The following CCDC60 variants were observed in gnomAD, a reference collection of about 807,000 sequenced individuals.
CCDC60 encodes coiled-coil domain containing 60, also known as coiled-coil domain-containing protein 60.
A neutral mutation model predicts 63.5 loss-of-function variants in CCDC60; 54 were observed. That is an observed-to-expected ratio of 0.85 (90% CI 0.68 to 1.07). CCDC60 has a LOEUF of 1.07. Among genes scored for constraint, CCDC60 ranks in the 50% least tolerant of loss-of-function variants. CCDC60 has a pLI of 0.00. For missense variants in CCDC60, 651 were observed against 684.3 expected, an observed-to-expected ratio of 0.95 and a Z score of 0.54; for synonymous variants, 206 against 238.8, an observed-to-expected ratio of 0.86 and a Z score of 1.27.
chr12:119,497,920 A>G (rs1262216013), intron 5 of CCDC60, among the ~76,000 whole-genome samples: 1 of 152,158 alleles, frequency 6.6e-6, no homozygotes, highest in Non-Finnish European at 1.5e-5. Flanking sequence ...AACCAACTTA[A>G]ATGAGCTTCA....
At chr12:119,337,832 G>GTGTGTGTA (rs757836977) in intron 1 of CCDC60, among the ~76,000 whole-genome samples, 7,755 of 121,212 alleles carry the variant, frequency 0.064, 261 homozygotes, top group South Asian at 0.097. Context: ...ATTTGTGTGT[G>GTGTGTGTA]TGTGTGTGTG....
chr12:119,389,019 C>T (rs550724454), intron 1 of CCDC60, among the ~76,000 whole-genome samples: 4 of 152,212 alleles, frequency 2.6e-5, no homozygotes, highest in Non-Finnish European at 4.4e-5. Context: ...TCTTACTTCA[C>T]TCATTATAAA....
chr12:119,419,695 C>G (rs1956773579), intron 1 of CCDC60, among the ~76,000 whole-genome samples: 1 of 151,948 alleles, frequency 6.6e-6, no homozygotes, highest in African/African-American at 2.4e-5. Flanking sequence ...GATCATTGTT[C>G]CTTCTCCTCT....
chr12:119,422,053 G>C (rs1956823098), intron 1 of CCDC60, among the ~76,000 whole-genome samples: 1 of 152,104 alleles, frequency 6.6e-6, no homozygotes, highest in African/African-American at 2.4e-5. Flanking sequence ...TGACGATCTT[G>C]CTCTCAAAAA....
chr12:119,339,153 G>C (rs943307805), intron 1 of CCDC60, among the ~76,000 whole-genome samples: 1 of 152,148 alleles, frequency 6.6e-6, no homozygotes, highest in Non-Finnish European at 1.5e-5. Flanking sequence ...TAAGGAAGCA[G>C]ACGAAGTCTA....
intron 1 of CCDC60, among the ~76,000 whole-genome samples, chr12:119,399,152 GC>G (rs1251172015): frequency 6.6e-6 from 1 of 152,142 alleles, no homozygotes; most frequent in Non-Finnish European, 1.5e-5. Flanking sequence ...AATTCAAGAG[GC>G]CCCAGTTTAT....
chr12:119,386,049 G>T (rs1208035477), intron 1 of CCDC60, among the ~76,000 whole-genome samples: 1 of 152,200 alleles, frequency 6.6e-6, no homozygotes, highest in East Asian at 1.9e-4. Flanking sequence ...AGAATTTCCA[G>T]CACAGAACAA....
At chr12:119,428,885 ACTT>A in intron 2 of CCDC60, 123 bp downstream of exon 2, 3 of 630,012 alleles carry the variant, frequency 4.8e-6, no homozygotes, top group Non-Finnish European at 5.6e-6. Flanking sequence ...TAAGCAGAAG[ACTT>A]ACAGGAGGGT....
intron 7 of CCDC60, among the ~76,000 whole-genome samples, chr12:119,511,406 AG>A (rs1321668969): frequency 1.3e-5 from 2 of 152,232 alleles, no homozygotes; most frequent in Non-Finnish European, 2.9e-5. Context: ...AATCAATGGC[AG>A]GGAGATTCCC....
intron 5 of CCDC60, among the ~76,000 whole-genome samples, chr12:119,493,453 T>C (rs2136390775): frequency 6.6e-6 from 1 of 152,150 alleles, no homozygotes; most frequent in African/African-American, 2.4e-5. Flanking sequence ...TTTGGATGGA[T>C]TGGTGGATGT....
intron 1 of CCDC60, among the ~76,000 whole-genome samples, chr12:119,346,774 C>CTCTCTCTTTCTT (rs1555230507): frequency 8.0e-6 from 1 of 125,296 alleles, no homozygotes; most frequent in Non-Finnish European, 1.6e-5. Context: ...ACTCATCTTT[C>CTCTCTCTTTCTT]TCTTTCTTTC....
chr12:119,467,951 A>G (rs967295508), intron 2 of CCDC60, among the ~76,000 whole-genome samples: 3 of 152,130 alleles, frequency 2.0e-5, no homozygotes, highest in Admixed American at 1.3e-4. Context: ...TCCACCTCAT[A>G]TTCACTGCTC....
At chr12:119,400,016 C>T (rs538589205) in intron 1 of CCDC60, among the ~76,000 whole-genome samples, 1 of 150,878 alleles carries the variant, frequency 6.6e-6, no homozygotes, top group African/African-American at 2.4e-5. Flanking sequence ...TCACTCCCAC[C>T]TTAGTATAAA....
At chr12:119,381,049 G>A (rs532428729) in intron 1 of CCDC60, among the ~76,000 whole-genome samples, 21 of 152,244 alleles carry the variant, frequency 1.4e-4, no homozygotes, top group African/African-American at 3.4e-4. Context: ...GAACACAGAC[G>A]TACCCTAGAT....
intron 7 of CCDC60, among the ~76,000 whole-genome samples, chr12:119,512,130 C>T (rs1952229449): frequency 6.6e-6 from 1 of 152,158 alleles, no homozygotes; most frequent in South Asian, 2.1e-4. Context: ...GGTGGATGTA[C>T]ACAACACACA....
In CCDC60 at chr12:119,485,989, C is replaced by T. The variant is rs1046157295; in HGVS notation, c.450-2770C>T. 2.0e-5 allele frequency among the ~76,000 whole-genome samples: 3 copies of T among 152,166 alleles called. No homozygotes were observed. The East Asian group carries it at 5.8e-4, about 29-fold the overall frequency. On this transcript the variant is annotated intron_variant, in intron 4 of 13. Coordinates refer to ENST00000327554, the MANE Select transcript of CCDC60 (RefSeq NM_178499.5). The stretch of plus-strand genomic sequence containing the variant: ...TTTGTTCATTTCCCTCCCCACCCCA[C>T]ATATCCCAAAGCCCAGGCCTGCAGG...
intron 11 of CCDC60, among the ~76,000 whole-genome samples, chr12:119,527,256 C>A (rs1037249959): frequency 1.3e-5 from 2 of 151,638 alleles, no homozygotes; most frequent in Non-Finnish European, 2.9e-5. Context: ...ACACTGGAGT[C>A]TACCTTGAGG....
chr12:119,387,034 T>TCACACA lies in CCDC60; in HGVS notation c.91-41613_91-41608dup, dbSNP rs1555233707. Among the ~76,000 whole-genome samples, 238 of 105,414 alleles carry TCACACA rather than the reference T, an allele frequency of 2.3e-3. 4 individuals carry two copies. The highest frequency in any genetic ancestry group is 6.8e-3 in the African/African-American group (166 of 24,390). 69.2% of individuals were successfully genotyped at this position (105,414 alleles called of 152,430 possible). ...CTCCCTCCCTCCCCCTCTGTCTCTC[T>TCACACA]CACACACACACACACACACACACAC... On this transcript the variant is annotated intron_variant, in intron 1 of 13. Coordinates refer to ENST00000327554, the MANE Select transcript of CCDC60 (RefSeq NM_178499.5).
chr12:119,448,986 G>A (rs752088401), intron 2 of CCDC60, among the ~76,000 whole-genome samples: 12 of 152,168 alleles, frequency 7.9e-5, no homozygotes, highest in Non-Finnish European at 1.5e-4. Context: ...GAAGTCAGGC[G>A]GTGGGGATTG....
Sources: gnomAD v4.1 joint callset for allele counts (sites outside exome capture counted in the v4.1 genomes callset) on GRCh38, gnomAD v4.1.1 for gene constraint, MANE v1.5 for transcripts, NCBI Gene and HGNC (gene_info 2026-07-23, HGNC 2026-07-21) for gene names.